The following LAPTM5 variants were observed in gnomAD, a reference collection of about 807,000 sequenced individuals.
LAPTM5 encodes the protein lysosomal protein transmembrane 5.
In LAPTM5, 11 loss-of-function variants were observed where a neutral mutation model predicts 30.1. That is an observed-to-expected ratio of 0.37 (90% CI 0.23 to 0.60). LAPTM5 has a LOEUF of 0.60. LAPTM5 is among the 20% of genes least tolerant of loss of function. LAPTM5 has a pLI of 0.71. For missense variants in LAPTM5, 324 were observed against 332.5 expected, an observed-to-expected ratio of 0.97 and a Z score of 0.20; for synonymous variants, 151 against 137.9, an observed-to-expected ratio of 1.10 and a Z score of -0.67.
rs772176565 is a variant in LAPTM5, at chr1:30,746,859, C to T, written c.88-4310G>A. 1.4e-4 allele frequency among the ~76,000 whole-genome samples: 22 copies of T among 152,248 alleles called. No homozygotes were observed. The highest frequency in any genetic ancestry group is 8.8e-5 in the Non-Finnish European group (6 of 68,016). Reference sequence around the variant, plus strand: ...AGGTCAAATGGAATCGTGTGGTGCGCGGAGCCGGGCACACAGCAGGTGCAC... The same window carrying T: ...AGGTCAAATGGAATCGTGTGGTGCGTGGAGCCGGGCACACAGCAGGTGCAC... On this transcript the variant is annotated intron_variant, in intron 1 of 7. Transcript: ENST00000294507. This position sits in a 1 kb window ranked among gnomAD's most constrained non-coding sequence, Gnocchi z 4.0.
intron 7 of LAPTM5, 97 bp from the exon 8 acceptor site, chr1:30,734,014 T>C: frequency 7.7e-6 from 10 of 1,294,504 alleles, no homozygotes; most frequent in Non-Finnish European, 1.1e-5. Context: ...TCTGGCAAAA[T>C]GATGATGATA....
intron 7 of LAPTM5, among the ~76,000 whole-genome samples, 188 bp from the exon 8 acceptor site, chr1:30,734,105 A>G (rs966379773): frequency 2.0e-5 from 3 of 152,204 alleles, no homozygotes; most frequent in Non-Finnish European, 4.4e-5. Flanking sequence ...CCTGTAGTGG[A>G]CATATTTGCC....
chr1:30,744,469 A>C (rs1379162465), intron 1 of LAPTM5, among the ~76,000 whole-genome samples: 2 of 152,168 alleles, frequency 1.3e-5, no homozygotes, highest in Non-Finnish European at 2.9e-5. Flanking sequence ...ATCACAGATG[A>C]GTCACAGCTG....
intron 1 of LAPTM5, among the ~76,000 whole-genome samples, chr1:30,743,512 C>A (rs569837980): frequency 1.3e-5 from 2 of 152,310 alleles, no homozygotes; most frequent in South Asian, 4.1e-4. Context: ...GCAGCCTCTA[C>A]TTAAGTGCTT....
intron 1 of LAPTM5, among the ~76,000 whole-genome samples, chr1:30,755,094 A>G (rs990966044): frequency 2.0e-5 from 3 of 152,178 alleles, no homozygotes; most frequent in African/African-American, 4.8e-5. Flanking sequence ...GCCTGGAGAC[A>G]ACCTGGGCCG....
chr1:30,743,361 T>C (rs563905941), intron 1 of LAPTM5, among the ~76,000 whole-genome samples: 2 of 152,308 alleles, frequency 1.3e-5, no homozygotes, highest in Admixed American at 1.3e-4. Context: ...TGACCCTTGC[T>C]AAGAATGATG....
intron 2 of LAPTM5, chr1:30,741,937 G>A: frequency 2.4e-6 from 1 of 422,184 alleles, no homozygotes; most frequent in Non-Finnish European, 4.3e-6. Context: ...CTGGGCTGGA[G>A]GTGCAGGCTG....
At position 30,740,304 on chromosome 1, in the gene LAPTM5, G is replaced by A. The variant is rs200738089; in HGVS notation, c.259-367C>T. Among the ~76,000 whole-genome samples, 54 of 152,230 alleles carry A rather than the reference G, an allele frequency of 3.5e-4. No homozygotes were observed. The East Asian group carries it at 9.1e-3, about 26-fold the overall frequency. ...GAGGTGGGGACACCAGGGCTAGATC[G>A]GGGAAGGAGACTAGGAGTGAACAGG... On this transcript the variant is annotated intron_variant, in intron 3 of 7. Transcript: ENST00000294507.
chr1:30,742,465 G>A lies in LAPTM5; in HGVS notation c.172C>T (p.Leu58Phe), dbSNP rs769873607. ...CGTCCCCTGGACCTACCGATCCTGA[G>A]GTAGCCCATCTGGGAGAGCTTGCAG... Reference protein sequence around the residue: ...ASCKLSQMGYLRIADLISSFL... With the variant: ...ASCKLSQMGYFRIADLISSFL... The change falls in exon 2 of 8, where the codon CTC becomes TTC. Residue 58 changes from leucine to phenylalanine, a missense_variant. By Grantham distance (22) the Leu-to-Phe change is conservative (BLOSUM62 0). Coordinates refer to ENST00000294507, the MANE Select transcript of LAPTM5 (RefSeq NM_006762.3). 21 of 1,612,816 alleles carry A rather than the reference G, an allele frequency of 1.3e-5. No homozygotes were observed. Among genetic ancestry groups the A allele is most frequent in the Non-Finnish European group, 1.6e-5 (19 of 1,179,532 alleles).
At chr1:30,734,007 G>A (rs1412690178) in intron 7 of LAPTM5, 90 bp from the exon 8 acceptor site, 19 of 1,365,046 alleles carry the variant, frequency 1.4e-5, no homozygotes, top group Non-Finnish European at 1.7e-5. Flanking sequence ...CCCCACCTCT[G>A]GCAAAATGAT....
rs1639931777 is a variant in LAPTM5 at position 30,739,135 on chromosome 1, T to G, written c.388-73A>C. ...GTCCCAGTTACTGAGCGGCACATAG[T>G]AGGCCCTCACTTGAGAGACCGTCTC... On this transcript the variant is annotated intron_variant, in intron 4 of 7. Transcript: ENST00000294507. This position sits in a 1 kb window ranked among gnomAD's most constrained non-coding sequence, Gnocchi z 4.2. 1 of 1,527,270 alleles carries G rather than the reference T, an allele frequency of 6.5e-7. No homozygotes were observed. The highest frequency in any genetic ancestry group is 8.8e-7 in the Non-Finnish European group (1 of 1,131,060). 94.6% of individuals were successfully genotyped at this position (1,527,270 alleles called of 1,614,324 possible).
chr1:30,748,033 A>C (rs1640073043), intron 1 of LAPTM5, among the ~76,000 whole-genome samples: 1 of 152,082 alleles, frequency 6.6e-6, no homozygotes, highest in Non-Finnish European at 1.5e-5. Flanking sequence ...TTCAAAGACC[A>C]GTCCCTTCTG....
At chr1:30,756,378 G>A (rs969694924) in intron 1 of LAPTM5, among the ~76,000 whole-genome samples, 3 of 152,202 alleles carry the variant, frequency 2.0e-5, no homozygotes, top group African/African-American at 4.8e-5. Flanking sequence ...GATGCACAAC[G>A]AATAATAAAG....
intron 1 of LAPTM5, among the ~76,000 whole-genome samples, chr1:30,751,760 T>A (rs917394434): frequency 2.6e-5 from 4 of 152,010 alleles, no homozygotes; most frequent in African/African-American, 9.7e-5. Context: ...GCGGGGGGCC[T>A]TGTGTTCTTC....
rs1194404199 is a variant in LAPTM5, at chr1:30,733,611, A to G, written c.*217T>C. 3 of 1,529,856 alleles carry G rather than the reference A, an allele frequency of 2.0e-6. No individual in the cohort carries two copies. The South Asian group carries it at 3.6e-5, about 18-fold the overall frequency. 94.8% of individuals were successfully genotyped at this position (1,529,856 alleles called of 1,614,324 possible). On this transcript the variant is annotated 3_prime_UTR_variant, in exon 8 of 8. Transcript: ENST00000294507. ...CAAGCATTGTTGGGCTGAATTATGG[A>G]GAGACCCGAGGAGTGACTCAGCCTA...
At chr1:30,738,854 T>A in intron 5 of LAPTM5, 86 bp downstream of exon 5, 2 of 1,446,506 alleles carry the variant, frequency 1.4e-6, no homozygotes, top group Non-Finnish European at 1.9e-6. Context: ...GAACCTGGCC[T>A]AAACCACAGA....
chr1:30,749,257 G>A (rs528189679), intron 1 of LAPTM5, among the ~76,000 whole-genome samples: 1 of 152,198 alleles, frequency 6.6e-6, no homozygotes, highest in Non-Finnish European at 1.5e-5. Flanking sequence ...AACACGCGCT[G>A]CAGAATTTCA....
chr1:30,742,232 C>A, intron 2 of LAPTM5: 1 of 577,324 alleles, frequency 1.7e-6, no homozygotes, highest in South Asian at 2.0e-5. Flanking sequence ...TTGCAAAGTG[C>A]CATTCCATCT....
intron 1 of LAPTM5, among the ~76,000 whole-genome samples, chr1:30,754,182 G>A (rs778893813): frequency 1.4e-4 from 22 of 152,138 alleles, no homozygotes; most frequent in Middle Eastern, 3.4e-3. Context: ...TTCTACCATC[G>A]ACTTAGAACG....
Sources: gnomAD v4.1 joint callset for allele counts (sites outside exome capture counted in the v4.1 genomes callset) on GRCh38, gnomAD v4.1.1 for gene constraint, Gnocchi (gnomAD v3.1) non-coding constraint, MANE v1.5 for transcripts, NCBI Gene and HGNC (gene_info 2026-07-23, HGNC 2026-07-21) for gene names.